POLN: variants seen among roughly 807,000 people sequenced by gnomAD.
POLN encodes the protein DNA polymerase N.
In POLN, 108 loss-of-function variants were observed where a neutral mutation model predicts 113.5. That is an observed-to-expected ratio of 0.95 (90% confidence interval 0.81 to 1.12). The LOEUF (loss-of-function observed/expected upper bound fraction) is 1.12, where lower values mean the gene tolerates loss of function less well. Among genes scored for constraint, POLN ranks in the 50% most tolerant of loss-of-function variants. POLN has a pLI of 0.00. For synonymous variants in POLN, 386 were observed against 391.5 expected, an observed-to-expected ratio of 0.99 and a Z score of 0.17; for missense variants, 1,097 against 1,077.1, an observed-to-expected ratio of 1.02 and a Z score of -0.26.
intron 7 of POLN, among the ~76,000 whole-genome samples, chr4:2,190,181 C>G (rs1318148501): frequency 6.6e-6 from 1 of 152,062 alleles, no homozygotes; most frequent in Non-Finnish European, 1.5e-5. Context: ...CTATAGTAAC[C>G]AAGACAGCAT....
At chr4:2,128,454 G>C (rs1471787539) in intron 18 of POLN, among the ~76,000 whole-genome samples, 1 of 152,170 alleles carries the variant, frequency 6.6e-6, no homozygotes, top group African/African-American at 2.4e-5. Context: ...TGTGTGCGTG[G>C]AGGGGAGTTG....
chr4:2,177,969 G>C (rs1733035555), intron 8 of POLN, among the ~76,000 whole-genome samples: 1 of 152,210 alleles, frequency 6.6e-6, no homozygotes, highest in Admixed American at 6.5e-5. Flanking sequence ...CCAAGGCCTG[G>C]TACTGCCTTT....
chr4:2,201,252 G>A (rs1159371528), intron 5 of POLN, among the ~76,000 whole-genome samples: 2 of 105,446 alleles, frequency 1.9e-5, no homozygotes, highest in Non-Finnish European at 3.4e-5. Context: ...GAGTGACAGA[G>A]TGAGACTCTG....
chr4:2,141,246 T>C (rs915367227), intron 16 of POLN, among the ~76,000 whole-genome samples: 2 of 152,216 alleles, frequency 1.3e-5, no homozygotes, highest in Non-Finnish European at 1.5e-5. Flanking sequence ...CCTGAACACA[T>C]GGATTGTGGT....
chr4:2,219,211 T>C (rs1485896454), intron 3 of POLN, among the ~76,000 whole-genome samples: 1 of 152,188 alleles, frequency 6.6e-6, no homozygotes, highest in Non-Finnish European at 1.5e-5. Flanking sequence ...TTCCATTTAT[T>C]GCTTGAGTCC....
chr4:2,219,442 T>C (rs1054119973), intron 3 of POLN, among the ~76,000 whole-genome samples: 4 of 152,136 alleles, frequency 2.6e-5, no homozygotes, highest in African/African-American at 9.7e-5. Flanking sequence ...GTCAGTTGGT[T>C]CCAGGTCTGA....
intron 16 of POLN, among the ~76,000 whole-genome samples, chr4:2,148,535 C>T (rs1732206468): frequency 6.6e-6 from 1 of 152,096 alleles, no homozygotes. Flanking sequence ...GGCATGGTGG[C>T]ATGCGCCTGT....
At chr4:2,240,492 T>C in intron 2 of POLN, 2 of 1,613,966 alleles carry the variant, frequency 1.2e-6, no homozygotes, top group Non-Finnish European at 1.7e-6. Context: ...TAGAATTCCT[T>C]GACTCTGCTT....
chr4:2,200,837 C>T (rs1008306620), intron 5 of POLN, among the ~76,000 whole-genome samples: 16 of 152,108 alleles, frequency 1.1e-4, no homozygotes, highest in African/African-American at 3.6e-4. Flanking sequence ...CATACTAGCT[C>T]ACCAGCAATG....
intron 11 of POLN, among the ~76,000 whole-genome samples, chr4:2,171,717 G>A (rs1237421282): frequency 6.6e-6 from 1 of 150,644 alleles, no homozygotes; most frequent in Non-Finnish European, 1.5e-5. Flanking sequence ...AGGCAGGTGG[G>A]TGTCTTGAGC....
chr4:2,185,501 T>G (rs1560086235), intron 7 of POLN, among the ~76,000 whole-genome samples: 1 of 152,192 alleles, frequency 6.6e-6, no homozygotes, highest in Non-Finnish European at 1.5e-5. Flanking sequence ...ATCCCAGCAC[T>G]TTGGGAGGCC....
rs112466946 is a variant in POLN, at chr4:2,139,286, C to T, written c.1732-7996G>A. On this transcript the variant is annotated intron_variant, in intron 16 of 25. Transcript: ENST00000511885. ...GCCGGAGCTTGGGGCCCGCAGCTCC[C>T]CTGGGGTCAGCAAGGCTGTGGTCAC... 4.2e-3 allele frequency among the ~76,000 whole-genome samples: 641 copies of T among 152,322 alleles called. 2 individuals carry two copies. The highest frequency in any genetic ancestry group is 0.014 in the African/African-American group (600 of 41,578).
At chr4:2,078,481 T>C (rs1355180419) in intron 23 of POLN, 2 of 744,628 alleles carry the variant, frequency 2.7e-6, no homozygotes, top group Non-Finnish European at 3.3e-6. Context: ...TTCTTTTTTT[T>C]TTTTTTTGTT....
At position 2,188,458 on chromosome 4, in the gene POLN, G is replaced by C. The variant is rs1328121550; in HGVS notation, c.1021+4746C>G. On this transcript the variant is annotated intron_variant, in intron 7 of 25. Coordinates refer to ENST00000511885, the MANE Select transcript of POLN (RefSeq NM_181808.4). ...TACTAAAAATACAAAAAAATTAGCC[G>C]GGCCTGGTGGCGGGCGCCTGTAGTC... is the stretch of plus-strand genomic sequence containing the variant. Among the ~76,000 whole-genome samples the C allele has an allele frequency of 2.0e-5, 3 of 152,002 alleles. No individual in the cohort carries two copies. In the East Asian group the frequency reaches 5.8e-4, roughly 29 times the overall value.
intron 16 of POLN, among the ~76,000 whole-genome samples, chr4:2,147,243 T>G (rs1313325226): frequency 6.6e-6 from 1 of 152,186 alleles, no homozygotes; most frequent in Non-Finnish European, 1.5e-5. Context: ...AAAAACTGGC[T>G]CTGCTGATGC....
At position 2,240,356 on chromosome 4, in the gene POLN, T is replaced by C. The variant is rs372049466; in HGVS notation, c.-13+1164A>G. 56 of 1,602,100 alleles carry C rather than the reference T, an allele frequency of 3.5e-5. 1 individual carries two copies. In the Admixed American group the frequency reaches 7.3e-4, roughly 21 times the overall value. On this transcript the variant is annotated intron_variant, in intron 2 of 25. Coordinates refer to ENST00000511885, the MANE Select transcript of POLN (RefSeq NM_181808.4). The stretch of plus-strand genomic sequence containing the variant: ...GACTTAGGTATTTTTCCAAGGAAAA[T>C]TGCGATAAAAATACCAGTGGATTTG...
At chr4:2,154,430 G>A (rs543643156) in intron 16 of POLN, among the ~76,000 whole-genome samples, 2 of 152,160 alleles carry the variant, frequency 1.3e-5, no homozygotes, top group East Asian at 1.9e-4. Flanking sequence ...ATTGTTTCAT[G>A]TAGTCAACCT....
chr4:2,102,378 G>A (rs1432104405), intron 19 of POLN, among the ~76,000 whole-genome samples: 1 of 152,134 alleles, frequency 6.6e-6, no homozygotes, highest in Non-Finnish European at 1.5e-5. Flanking sequence ...ACCTCAGCTG[G>A]CTCCTACCTG....
chr4:2,221,707 C>T (rs1734257403), intron 3 of POLN, among the ~76,000 whole-genome samples: 1 of 152,176 alleles, frequency 6.6e-6, no homozygotes, highest in African/African-American at 2.4e-5. Flanking sequence ...TCCCGAGCAG[C>T]TGGGATTACA....
Sources: gnomAD v4.1 joint callset for allele counts (sites outside exome capture counted in the v4.1 genomes callset) on GRCh38, gnomAD v4.1.1 for gene constraint, MANE v1.5 for transcripts, NCBI Gene and HGNC (gene_info 2026-07-23, HGNC 2026-07-21) for gene names.